The following PKD2 variants were observed in gnomAD, a reference collection of about 807,000 sequenced individuals.
PKD2 encodes the protein polycystin 2, transient receptor potential cation channel.
Under a neutral mutation model 105.9 loss-of-function variants are expected in PKD2, and 48 were observed. The observed-to-expected ratio is 0.45, with a 90% CI of 0.36 to 0.58. The LOEUF (loss-of-function observed/expected upper bound fraction) is 0.58, where lower values mean the gene tolerates loss of function less well. PKD2 is among the 20% of genes least tolerant of loss of function. The probability of loss-of-function intolerance (pLI) is 0.00; values close to 1 mark genes in which losing one functional copy is unlikely to be tolerated. For missense variants in PKD2, 1,078 were observed against 1,255.3 expected (o/e 0.86, Z 2.13); for synonymous variants, 464 against 481.1 (o/e 0.96, Z 0.46).
intron 1 of PKD2, among the ~76,000 whole-genome samples, chr4:88,011,712 T>C (rs1403362957): frequency 6.6e-6 from 1 of 152,166 alleles, no homozygotes; most frequent in Non-Finnish European, 1.5e-5. Context: ...TAAAAAAAGA[T>C]TTGAACATGG....
At chr4:88,037,772 G>A (rs1329753153) in intron 3 of PKD2, among the ~76,000 whole-genome samples, 1 of 152,202 alleles carries the variant, frequency 6.6e-6, no homozygotes, top group African/African-American at 2.4e-5. Flanking sequence ...AAAGGGACGA[G>A]GAGGGATTGG....
At position 88,007,694 on chromosome 4, in the gene PKD2, G is replaced by A; in HGVS notation, c.-40G>A. The A allele has an allele frequency of 2.6e-6, 3 of 1,143,898 alleles. No individual in the cohort carries two copies. Among genetic ancestry groups the A allele is most frequent in the Non-Finnish European group, 2.2e-6 (2 of 926,846 alleles). 70.9% of individuals were successfully genotyped at this position (1,143,898 alleles called of 1,614,324 possible). On this transcript the variant is annotated 5_prime_UTR_variant, in exon 1 of 15. Coordinates refer to ENST00000237596, the MANE Select transcript of PKD2 (RefSeq NM_000297.4). ...GCTCCTGAGGCGCACAGCGCCGAGCGCGGCGCCGCGCACCCGCGCGCCGGA... is the reference window on the plus strand; with the variant it reads ...GCTCCTGAGGCGCACAGCGCCGAGCACGGCGCCGCGCACCCGCGCGCCGGA...
At chr4:88,051,713 A>G (rs1267366645) in intron 6 of PKD2, among the ~76,000 whole-genome samples, 1 of 152,232 alleles carries the variant, frequency 6.6e-6, no homozygotes. Context: ...GTATGCATGT[A>G]TGTGTGTGTA....
At chr4:88,039,419 C>T (rs1243241237) in intron 4 of PKD2, among the ~76,000 whole-genome samples, 6 of 152,122 alleles carry the variant, frequency 3.9e-5, no homozygotes, top group Non-Finnish European at 8.8e-5. Flanking sequence ...AATCCCAGCA[C>T]TTTGGAAAGC....
chr4:88,022,492 C>G (rs1726788645), intron 2 of PKD2, among the ~76,000 whole-genome samples: 1 of 152,168 alleles, frequency 6.6e-6, no homozygotes, highest in Non-Finnish European at 1.5e-5. Context: ...AGTAATTCCC[C>G]CATTCCTGTG....
At chr4:88,035,951 C>A in intron 2 of PKD2, 1 of 471,484 alleles carries the variant, frequency 2.1e-6, no homozygotes, top group Non-Finnish European at 3.9e-6. Flanking sequence ...ATCAAGTAAA[C>A]GTTCCTGATC....
intron 2 of PKD2, among the ~76,000 whole-genome samples, chr4:88,035,039 CTAGA>C (rs1393705776): frequency 2.0e-5 from 3 of 152,120 alleles, no homozygotes; most frequent in African/African-American, 7.2e-5. Flanking sequence ...AGCCATTGTA[CTAGA>C]TAAATTTTAG....
intron 13 of PKD2, among the ~76,000 whole-genome samples, chr4:88,070,617 GAGAGAGAGAGAA>G (rs1311510318): frequency 1.2e-4 from 18 of 146,484 alleles, no homozygotes; most frequent in Non-Finnish European, 2.3e-4. Context: ...GAGAGAGAGA[GAGAGAGAGAGAA>G]AGAGAGAGAG....
In PKD2 at chr4:88,037,643, TC is replaced by T. The variant is rs1727384942; in HGVS notation, c.844-607del. On this transcript the variant is annotated intron_variant, in intron 3 of 14. Transcript: ENST00000237596. ...GGGCAAATCAGTCTATCTCTGTTGA[TC>T]ATCTGACAAGGATAGCACACTGAGA... Among the ~76,000 whole-genome samples the T allele has an allele frequency of 2.0e-5, 3 of 152,174 alleles. No individual in the cohort carries two copies. In the South Asian group the frequency reaches 6.2e-4, roughly 31 times the overall value.
chr4:88,056,391 A>G, intron 8 of PKD2, 124 bp downstream of exon 8: 1 of 658,232 alleles, frequency 1.5e-6, no homozygotes, highest in Non-Finnish European at 2.6e-6. Flanking sequence ...TTTAAGTAAG[A>G]ATTAATTACC....
At chr4:88,021,132 C>G (rs1264605115) in intron 2 of PKD2, among the ~76,000 whole-genome samples, 1 of 152,172 alleles carries the variant, frequency 6.6e-6, no homozygotes, top group Non-Finnish European at 1.5e-5. Context: ...TCTTTTCAAG[C>G]TTTACATATA....
rs78813792 is a variant in PKD2 at position 88,020,701 on chromosome 4, T to A, written c.709+1130T>A. Reference sequence around the variant, plus strand: ...AGGTTTCCTTTTTTTTTTTTTTTTTTAAATTAGAGACAGAGTCTTGATCTG... The same window carrying A: ...AGGTTTCCTTTTTTTTTTTTTTTTTAAAATTAGAGACAGAGTCTTGATCTG... On this transcript the variant is annotated intron_variant, in intron 2 of 14. Transcript: ENST00000237596. Among the ~76,000 whole-genome samples, 6 of 150,456 alleles carry A rather than the reference T, an allele frequency of 4.0e-5. No individual in the cohort carries two copies. The East Asian group carries it at 7.8e-4, about 20-fold the overall frequency.
rs148116169 is a variant in PKD2, at chr4:88,023,344, G to T, written c.709+3773G>T. Among the ~76,000 whole-genome samples, 375 of 152,176 alleles carry T rather than the reference G, an allele frequency of 2.5e-3. 3 individuals are homozygous for T. Among genetic ancestry groups the T allele is most frequent in the African/African-American group, 8.6e-3 (359 of 41,536 alleles). On this transcript the variant is annotated intron_variant, in intron 2 of 14. Coordinates refer to ENST00000237596, the MANE Select transcript of PKD2 (RefSeq NM_000297.4). ...CCCCACACTTTTAAATGACCAGATC[G>T]CATGAGAAATCACTCGTTACCTCAA...
chr4:88,038,152 C>A, intron 3 of PKD2, 99 bp from the exon 4 acceptor site: 1 of 1,219,294 alleles, frequency 8.2e-7, no homozygotes, highest in Non-Finnish European at 1.2e-6. Flanking sequence ...CTACTATTTT[C>A]ATAGAGTTGC....
At chr4:88,027,315 A>T (rs890342717) in intron 2 of PKD2, among the ~76,000 whole-genome samples, 1 of 152,190 alleles carries the variant, frequency 6.6e-6, no homozygotes, top group African/African-American at 2.4e-5. Flanking sequence ...GCATGGAGAC[A>T]GGGGATCAAA....
intron 2 of PKD2, among the ~76,000 whole-genome samples, chr4:88,028,518 A>C (rs752782937): frequency 2.2e-4 from 34 of 152,244 alleles, no homozygotes; most frequent in Non-Finnish European, 4.1e-4. Flanking sequence ...CTGGACAAAA[A>C]CTCAATTTTA....
At chr4:88,015,769 C>G (rs1726539872) in intron 1 of PKD2, among the ~76,000 whole-genome samples, 1 of 152,184 alleles carries the variant, frequency 6.6e-6, no homozygotes, top group Admixed American at 6.5e-5. Flanking sequence ...GGGGAAATGG[C>G]ATTTTTGTTC....
chr4:88,029,222 C>T (rs1727062176), intron 2 of PKD2, among the ~76,000 whole-genome samples: 1 of 152,154 alleles, frequency 6.6e-6, no homozygotes. Context: ...TGTGTTCCTC[C>T]TTGCTGTGTT....
Position 88,064,728 on chromosome 4 carries a change from C to CA in PKD2, c.2119-633dup, listed in dbSNP as rs1038939820. Among the ~76,000 whole-genome samples the CA allele has an allele frequency of 2.9e-3, 375 of 131,382 alleles. 1 individual carries two copies. Among genetic ancestry groups the CA allele is most frequent in the Middle Eastern group, 7.6e-3 (2 of 264 alleles). 86.2% of individuals were successfully genotyped at this position (131,382 alleles called of 152,430 possible). ...GCAACATGGTGAGACCCTGTCTCTA[C>CA]AAAAAAAAAAAAATAGCAAGGCGTG... On this transcript the variant is annotated intron_variant, in intron 10 of 14. Coordinates refer to ENST00000237596, the MANE Select transcript of PKD2 (RefSeq NM_000297.4).
Sources: allele counts gnomAD v4.1 joint callset (sites outside exome capture counted in the v4.1 genomes callset), GRCh38; gene constraint gnomAD v4.1.1; transcripts MANE v1.5; gene names NCBI Gene and HGNC (gene_info 2026-07-23, HGNC 2026-07-21).